PRKG2: variants seen among roughly 807,000 people sequenced by gnomAD.
PRKG2 encodes protein kinase cGMP-dependent 2.
Under a neutral mutation model 97.2 loss-of-function variants are expected in PRKG2, and 33 were observed. The observed-to-expected ratio is 0.34, with a 90% CI of 0.26 to 0.45. The LOEUF is 0.45. Ranked by LOEUF, PRKG2 falls within the 20% of genes least tolerant of loss-of-function variation. PRKG2 has a pLI of 1.00. For missense variants in PRKG2, 638 were observed against 900.0 expected, an observed-to-expected ratio of 0.71 and a Z score of 3.73; for synonymous variants, 330 against 321.8, an observed-to-expected ratio of 1.03 and a Z score of -0.27.
intron 6 of PRKG2, among the ~76,000 whole-genome samples, chr4:81,166,185 C>T (rs1553926856): frequency 6.6e-6 from 1 of 152,086 alleles, no homozygotes; most frequent in Non-Finnish European, 1.5e-5. Flanking sequence ...GGAAACACTG[C>T]TGGTGTCACT....
intron 14 of PRKG2, among the ~76,000 whole-genome samples, chr4:81,134,780 A>T (rs1746509369): frequency 6.6e-6 from 1 of 152,106 alleles, no homozygotes; most frequent in African/African-American, 2.4e-5. Context: ...TACACAGTGG[A>T]TATCTTGGGG....
At chr4:81,129,560 T>G (rs1435677547) in intron 14 of PRKG2, among the ~76,000 whole-genome samples, 1 of 152,304 alleles carries the variant, frequency 6.6e-6, no homozygotes, top group African/African-American at 2.4e-5. Context: ...GCTCTTCTGG[T>G]TGCATTGATC....
At chr4:81,096,113 G>A (rs1438427655) in intron 17 of PRKG2, among the ~76,000 whole-genome samples, 1 of 152,128 alleles carries the variant, frequency 6.6e-6, no homozygotes, top group East Asian at 1.9e-4. Context: ...GCTGAAGGTT[G>A]GAGAGGCTGT....
At chr4:81,136,388 A>G (rs986404825) in intron 13 of PRKG2, among the ~76,000 whole-genome samples, 1 of 152,210 alleles carries the variant, frequency 6.6e-6, no homozygotes, top group Non-Finnish European at 1.5e-5. Context: ...ACTTTGTAAA[A>G]GCTTTCCACG....
At position 81,154,097 on chromosome 4, in the gene PRKG2, C is replaced by T. The variant is rs189430865; in HGVS notation, c.913-376G>A. Reference sequence around the variant, plus strand: ...ACGGCGCACCACGAGATTATATCCCCGCACCTGGCTCGGAGGGTCCTACGC... The same window carrying T: ...ACGGCGCACCACGAGATTATATCCCTGCACCTGGCTCGGAGGGTCCTACGC... On this transcript the variant is annotated intron_variant, in intron 6 of 18. Coordinates refer to ENST00000264399, the MANE Select transcript of PRKG2 (RefSeq NM_006259.3). 5 of 174,388 alleles carry T rather than the reference C, an allele frequency of 2.9e-5. No individual in the cohort carries two copies. The East Asian group carries it at 8.4e-4, about 29-fold the overall frequency. The allele number at this position is 174,388 out of a possible 1,614,324, so 10.8% of individuals were successfully genotyped here.
intron 1 of PRKG2, among the ~76,000 whole-genome samples, chr4:81,207,663 A>G (rs891101914): frequency 1.3e-5 from 2 of 152,174 alleles, no homozygotes; most frequent in Non-Finnish European, 2.9e-5. Context: ...CAAAACACCA[A>G]TTATCCTCTG....
chr4:81,117,700 C>T (rs941693131), intron 14 of PRKG2, among the ~76,000 whole-genome samples: 4 of 152,136 alleles, frequency 2.6e-5, no homozygotes. Context: ...TTTTTTAGAG[C>T]AATCAGTGAA....
intron 5 of PRKG2, among the ~76,000 whole-genome samples, chr4:81,168,504 AC>A (rs1168508696): frequency 2.6e-5 from 4 of 152,078 alleles, no homozygotes; most frequent in African/African-American, 9.7e-5. Flanking sequence ...TTCAAATACA[AC>A]CCAGGCACAC....
Position 81,137,478 on chromosome 4 carries a change from A to G in PRKG2, c.1549T>C (p.Tyr517His), listed in dbSNP as rs1313433626. The G allele has an allele frequency of 4.4e-6, 7 of 1,606,822 alleles. No individual in the cohort carries two copies. The highest frequency in any genetic ancestry group is 1.3e-5 in the African/African-American group (1 of 74,864). Residue 517 changes from tyrosine to histidine, a missense_variant, in exon 13 of 19, where the codon TAT becomes CAT. Transcript: ENST00000264399. Reference protein sequence around the residue: ...ELCSPFIVKLYRTFKDNKYVY... With the variant: ...ELCSPFIVKLHRTFKDNKYVY... ...TACTTATTGTCCTTGAAAGTACGAT[A>G]TAATCTGTGAAGACAGATAAAAACA...
intron 6 of PRKG2, among the ~76,000 whole-genome samples, chr4:81,166,526 A>G (rs554862611): frequency 1.4e-4 from 21 of 152,258 alleles, no homozygotes; most frequent in African/African-American, 5.1e-4. Context: ...TCCAAGGTAC[A>G]TGTCGTAAAA....
chr4:81,111,108 AG>A (rs1043435622), intron 14 of PRKG2, among the ~76,000 whole-genome samples: 5 of 152,076 alleles, frequency 3.3e-5, no homozygotes, highest in African/African-American at 1.2e-4. Flanking sequence ...AATGCTGAGA[AG>A]GGGGGCTTAA....
chr4:81,113,365 C>A (rs1279489943), intron 14 of PRKG2, among the ~76,000 whole-genome samples: 1 of 145,476 alleles, frequency 6.9e-6, no homozygotes, highest in African/African-American at 2.7e-5. Context: ...AGAAGAGCAC[C>A]CCCCCTTTTT....
chr4:81,185,152 G>C (rs879280983), intron 2 of PRKG2, among the ~76,000 whole-genome samples: 1 of 152,060 alleles, frequency 6.6e-6, no homozygotes, highest in Non-Finnish European at 1.5e-5. Context: ...TCCTCAAGAA[G>C]AGCAACCCCA....
intron 17 of PRKG2, among the ~76,000 whole-genome samples, chr4:81,099,835 T>C (rs2109957940): frequency 6.6e-6 from 1 of 152,226 alleles, no homozygotes; most frequent in Non-Finnish European, 1.5e-5. Context: ...GCCCAAAATC[T>C]CCTTAAGCTC....
intron 6 of PRKG2, among the ~76,000 whole-genome samples, chr4:81,156,965 C>T (rs1160108022): frequency 6.6e-6 from 1 of 152,026 alleles, no homozygotes; most frequent in Non-Finnish European, 1.5e-5. Flanking sequence ...TAAATGCCCA[C>T]AAGAGAAAGC....
rs564064310 is a variant in PRKG2 at position 81,161,479 on chromosome 4, G to A, written c.912+5682C>T. 1.1e-4 allele frequency among the ~76,000 whole-genome samples: 17 copies of A among 152,270 alleles called. No homozygotes were observed. The South Asian group carries it at 1.2e-3, about 11-fold the overall frequency. Reference sequence around the variant, plus strand: ...CCTAGGCACAGTGTTGCTCAATTAGGTTTCTCAGTTAGGGTCTCTCAGGAT... The same window carrying A: ...CCTAGGCACAGTGTTGCTCAATTAGATTTCTCAGTTAGGGTCTCTCAGGAT... On this transcript the variant is annotated intron_variant, in intron 6 of 18. Transcript: ENST00000264399.
At chr4:81,144,562 CT>C (rs1278145280) in intron 9 of PRKG2, among the ~76,000 whole-genome samples, 1 of 149,842 alleles carries the variant, frequency 6.7e-6, no homozygotes, top group African/African-American at 2.5e-5. Flanking sequence ...GAACAGGAAA[CT>C]TTTTTATAGT....
intron 17 of PRKG2, among the ~76,000 whole-genome samples, chr4:81,095,397 A>G (rs1197612430): frequency 6.6e-6 from 1 of 152,148 alleles, no homozygotes; most frequent in Non-Finnish European, 1.5e-5. Context: ...AGGGATTTCT[A>G]GGTACACAGT....
At chr4:81,172,532 T>C (rs1750575823) in intron 3 of PRKG2, among the ~76,000 whole-genome samples, 1 of 152,146 alleles carries the variant, frequency 6.6e-6, no homozygotes, top group African/African-American at 2.4e-5. Context: ...TTGGCACTTA[T>C]TACCTGGGCA....
Sources: gnomAD v4.1 joint callset for allele counts (sites outside exome capture counted in the v4.1 genomes callset) on GRCh38, gnomAD v4.1.1 for gene constraint, MANE v1.5 for transcripts, NCBI Gene and HGNC (gene_info 2026-07-23, HGNC 2026-07-21) for gene names.